RBFOX1: variants seen among roughly 807,000 people sequenced by gnomAD.
RBFOX1 encodes the protein RNA binding protein fox-1 homolog 1.
In RBFOX1, 8 loss-of-function variants were observed where a neutral mutation model predicts 57.7. That is an observed-to-expected ratio of 0.14 (90% confidence interval 0.08 to 0.25). RBFOX1 has a LOEUF of 0.25. Ranked by LOEUF, RBFOX1 falls within the 10% of genes least tolerant of loss-of-function variation. The pLI is 1.00. For missense variants in RBFOX1, 611 were observed against 548.5 expected, an observed-to-expected ratio of 1.11 and a Z score of -1.14; for synonymous variants, 326 against 222.4, an observed-to-expected ratio of 1.47 and a Z score of -4.15.
chr16:5,591,614 C>G (rs748984194), intron 2 of RBFOX1, among the ~76,000 whole-genome samples: 1 of 152,120 alleles, frequency 6.6e-6, no homozygotes, highest in East Asian at 1.9e-4. Context: ...AGTGGATATA[C>G]TAGAAATGCC....
chr16:7,704,613 A>C (rs2081845050), intron 14 of RBFOX1, among the ~76,000 whole-genome samples: 1 of 152,226 alleles, frequency 6.6e-6, no homozygotes, highest in Non-Finnish European at 1.5e-5. Context: ...AATGGCAGAC[A>C]AAATAGACAC....
At chr16:7,353,029 C>T (rs891351830) in intron 4 of RBFOX1, among the ~76,000 whole-genome samples, 2 of 152,108 alleles carry the variant, frequency 1.3e-5, no homozygotes, top group African/African-American at 4.8e-5. Flanking sequence ...ACCACTTTTC[C>T]ATATGGCTTC....
At chr16:6,642,953 A>C (rs539737958) in intron 2 of RBFOX1, among the ~76,000 whole-genome samples, 6 of 152,138 alleles carry the variant, frequency 3.9e-5, no homozygotes, top group Non-Finnish European at 7.4e-5. Flanking sequence ...TGTTTGTATG[A>C]TTTCAGGTGA....
At chr16:6,384,611 A>G (rs143176563) in intron 2 of RBFOX1, among the ~76,000 whole-genome samples, 3 of 152,338 alleles carry the variant, frequency 2.0e-5, no homozygotes, top group African/African-American at 7.2e-5. Context: ...AGGTCATCTA[A>G]TTCGTCTCCT....
chr16:7,616,713 G>T (rs985213178), intron 10 of RBFOX1, among the ~76,000 whole-genome samples: 1 of 152,096 alleles, frequency 6.6e-6, no homozygotes, highest in South Asian at 2.1e-4. Context: ...TGTATTTTTA[G>T]TAGAGATGGG....
intron 1 of RBFOX1, among the ~76,000 whole-genome samples, chr16:6,221,960 C>T (rs569527137): frequency 6.6e-6 from 1 of 152,222 alleles, no homozygotes; most frequent in East Asian, 1.9e-4. Context: ...GATTTATTTA[C>T]TTTAGTCCCT....
chr16:6,610,181 G>C (rs1341769054), intron 2 of RBFOX1, among the ~76,000 whole-genome samples: 1 of 152,148 alleles, frequency 6.6e-6, no homozygotes, highest in African/African-American at 2.4e-5. Flanking sequence ...GTGTGCATTA[G>C]ACTAAATTAT....
At chr16:6,484,001 C>T (rs897175403) in intron 2 of RBFOX1, 1 of 968,868 alleles carries the variant, frequency 1.0e-6, no homozygotes, top group Non-Finnish European at 1.2e-6. Context: ...GTGGTCTGGA[C>T]ACTTGGAGAG....
At chr16:7,519,637 T>G in intron 5 of RBFOX1, 1 of 953,910 alleles carries the variant, frequency 1.0e-6, no homozygotes, top group South Asian at 4.8e-5. Context: ...GGAACATGCA[T>G]TTGGGAACCT....
intron 3 of RBFOX1, among the ~76,000 whole-genome samples, chr16:7,007,920 G>T (rs1298959208): frequency 6.6e-6 from 1 of 152,100 alleles, no homozygotes; most frequent in Non-Finnish European, 1.5e-5. Context: ...TGCTAGCTGG[G>T]GCCTCCTAGT....
At chr16:5,702,263 C>G (rs908901825) in intron 3 of RBFOX1, among the ~76,000 whole-genome samples, 5 of 152,182 alleles carry the variant, frequency 3.3e-5, no homozygotes, top group Admixed American at 1.3e-4. Context: ...GGGAAGCAAG[C>G]CCCTTCTTCA....
chr16:6,916,762 C>G (rs981366588), intron 3 of RBFOX1, among the ~76,000 whole-genome samples: 13 of 152,124 alleles, frequency 8.5e-5, no homozygotes, highest in Non-Finnish European at 1.8e-4. Flanking sequence ...TTCTACCACC[C>G]ACTTAAACTT....
rs569830585 is a variant in RBFOX1 at position 5,691,603 on chromosome 16, T to A, written c.318+92642T>A. Among the ~76,000 whole-genome samples the A allele has an allele frequency of 5.9e-4, 90 of 152,310 alleles. 1 individual carries two copies. Among genetic ancestry groups the A allele is most frequent in the Non-Finnish European group, 9.3e-4 (63 of 68,030 alleles). On this transcript the variant is annotated intron_variant, in intron 3 of 19. Coordinates refer to the RBFOX1 transcript ENST00000641259. ...TTTGGAATATTTTGCATTATACTTA[T>A]CAGTTGAGCATCTCTAATCCAAAAA...
In RBFOX1 at chr16:7,457,746, A is replaced by G. The variant is rs544438188; in HGVS notation, c.28-60401A>G. Among the ~76,000 whole-genome samples, 8 of 152,190 alleles carry G rather than the reference A, an allele frequency of 5.3e-5. No homozygotes were observed. The East Asian group carries it at 7.8e-4, about 15-fold the overall frequency. The stretch of plus-strand genomic sequence containing the variant: ...CTCCCAGGGACATCTAAAAACGTTT[A>G]TCTTCTTGTGTGCAGTCTGGAAGGT... On this transcript the variant is annotated intron_variant, in intron 4 of 15. Coordinates refer to ENST00000550418, the MANE Select transcript of RBFOX1 (RefSeq NM_018723.4).
chr16:6,433,846 C>CTT (rs201617630), intron 2 of RBFOX1, among the ~76,000 whole-genome samples: 2,831 of 127,098 alleles, frequency 0.022, 47 homozygotes, highest in South Asian at 0.052. Context: ...TTTCATTTTT[C>CTT]TTTTTTTTTT....
chr16:6,731,382 A>G (rs370514493), intron 3 of RBFOX1, among the ~76,000 whole-genome samples: 136 of 152,238 alleles, frequency 8.9e-4, no homozygotes, highest in African/African-American at 2.8e-3. Context: ...CTTTAGAAAC[A>G]GGGGATCAGT....
chr16:5,921,883 G>A (rs2058830439), intron 4 of RBFOX1, among the ~76,000 whole-genome samples: 1 of 152,060 alleles, frequency 6.6e-6, no homozygotes, highest in South Asian at 2.1e-4. Context: ...CAGGTGTGGT[G>A]GCTTAGGCCT....
At chr16:6,629,921 C>T (rs142175626) in intron 2 of RBFOX1, among the ~76,000 whole-genome samples, 115 of 147,080 alleles carry the variant, frequency 7.8e-4, no homozygotes, top group African/African-American at 2.8e-3. Context: ...ACCTCTGCTA[C>T]ATAAATGCTA....
intron 2 of RBFOX1, among the ~76,000 whole-genome samples, chr16:6,587,604 C>T (rs916667425): frequency 1.3e-4 from 20 of 152,024 alleles, no homozygotes; most frequent in Non-Finnish European, 2.8e-4. Flanking sequence ...TCCTTTAAGG[C>T]ATCTTAATGC....
Sources: gnomAD v4.1 joint callset for allele counts (sites outside exome capture counted in the v4.1 genomes callset) on GRCh38, gnomAD v4.1.1 for gene constraint, MANE v1.5 for transcripts, NCBI Gene and HGNC (gene_info 2026-07-23, HGNC 2026-07-21) for gene names.